The following SEMA6D variants were observed in gnomAD, a reference collection of about 807,000 sequenced individuals.
SEMA6D encodes the protein semaphorin 6D.
In SEMA6D, 35 loss-of-function variants were observed where a neutral mutation model predicts 106.6. The ratio of observed to expected loss-of-function variants is 0.33; its 90% CI spans 0.25 to 0.44. The LOEUF (loss-of-function observed/expected upper bound fraction) is 0.44, where lower values mean the gene tolerates loss of function less well. Ranked by LOEUF, SEMA6D falls within the 20% of genes least tolerant of loss-of-function variation. The pLI is 1.00. For missense variants in SEMA6D, 1,185 were observed against 1,345.9 expected, an observed-to-expected ratio of 0.88 and a Z score of 1.87; for synonymous variants, 499 against 487.7, an observed-to-expected ratio of 1.02 and a Z score of -0.31.
At chr15:47,285,254 G>A (rs66759488) in intron 1 of SEMA6D, among the ~76,000 whole-genome samples, 55,492 of 151,148 alleles carry the variant, frequency 0.37, 10,519 homozygotes, top group Middle Eastern at 0.51. Context: ...CTCTCTCTCT[G>A]TCTCTCTGTC....
intron 1 of SEMA6D, among the ~76,000 whole-genome samples, chr15:47,365,319 G>A (rs1233731662): frequency 1.3e-5 from 2 of 152,130 alleles, no homozygotes; most frequent in African/African-American, 4.8e-5. Flanking sequence ...TTGAAGTTTT[G>A]CTTGATGAAG....
rs1244130092 is a variant in SEMA6D at position 47,348,708 on chromosome 15, CA to C, written c.-238-63684del. On this transcript the variant is annotated intron_variant, in intron 1 of 19. Transcript: ENST00000558014. ...ACACACACACACACACACACACACACACACACACACCACACACACAGAGAGA... is the reference window on the plus strand; with the variant it reads ...ACACACACACACACACACACACACACCACACACACCACACACACAGAGAGA... 7.7e-3 allele frequency among the ~76,000 whole-genome samples: 713 copies of C among 92,258 alleles called. 1 individual carries two copies. Among genetic ancestry groups the C allele is most frequent in the Non-Finnish European group, 0.011 (531 of 46,402 alleles). 60.5% of individuals were successfully genotyped at this position (92,258 alleles called of 152,430 possible).
In SEMA6D at chr15:47,370,780, C is replaced by T. The variant is rs1432729079; in HGVS notation, c.-238-41613C>T. ...AAAGCTGAGGCAGGAGCAGGAGAAT[C>T]GTTTGACTCCCTAAGGTGGAGGTTG... On this transcript the variant is annotated intron_variant, in intron 1 of 19. Coordinates refer to the SEMA6D transcript ENST00000558014. 2.0e-5 allele frequency among the ~76,000 whole-genome samples: 3 copies of T among 149,054 alleles called. No homozygotes were observed. In the East Asian group the frequency reaches 6.1e-4, roughly 30 times the overall value.
At chr15:47,594,703 A>G (rs962743160) in intron 3 of SEMA6D, among the ~76,000 whole-genome samples, 2 of 152,228 alleles carry the variant, frequency 1.3e-5, no homozygotes, top group Non-Finnish European at 2.9e-5. Context: ...ACAGAAAAGT[A>G]TAATTTATAG....
At chr15:47,383,367 C>A (rs567464846) in intron 1 of SEMA6D, among the ~76,000 whole-genome samples, 5 of 152,260 alleles carry the variant, frequency 3.3e-5, no homozygotes, top group South Asian at 2.1e-4. Context: ...GGATGTGAGA[C>A]GATAGTGCCT....
chr15:47,686,003 A>G (rs1039157009), intron 4 of SEMA6D, among the ~76,000 whole-genome samples: 7 of 152,176 alleles, frequency 4.6e-5, no homozygotes, highest in African/African-American at 1.7e-4. Flanking sequence ...GGATTTGCAG[A>G]GAGGAATAGA....
intron 1 of SEMA6D, among the ~76,000 whole-genome samples, chr15:47,271,423 T>C (rs960018815): frequency 1.3e-5 from 2 of 152,024 alleles, no homozygotes; most frequent in African/African-American, 2.4e-5. Context: ...TAAATAAAAG[T>C]GTGTGTGTGT....
chr15:47,658,529 T>C (rs1183596710), intron 4 of SEMA6D, among the ~76,000 whole-genome samples: 1 of 152,174 alleles, frequency 6.6e-6, no homozygotes, highest in African/African-American at 2.4e-5. Flanking sequence ...GAATTTAAGT[T>C]TCAAGCATTT....
At chr15:47,505,596 A>G (rs1341237839) in intron 3 of SEMA6D, among the ~76,000 whole-genome samples, 1 of 152,206 alleles carries the variant, frequency 6.6e-6, no homozygotes, top group Admixed American at 6.5e-5. Flanking sequence ...TGTTCTTAGG[A>G]CATGCATGCA....
At chr15:47,488,087 G>C (rs193142397) in intron 3 of SEMA6D, among the ~76,000 whole-genome samples, 1 of 152,082 alleles carries the variant, frequency 6.6e-6, no homozygotes, top group East Asian at 1.9e-4. Flanking sequence ...ATTCTGTCCT[G>C]TTCATCTGTT....
At chr15:47,728,081 G>A (rs577311466) in intron 1 of SEMA6D, among the ~76,000 whole-genome samples, 2 of 152,326 alleles carry the variant, frequency 1.3e-5, no homozygotes, top group South Asian at 4.1e-4. Flanking sequence ...TACCGTATGT[G>A]TGTATTTCTA....
At chr15:47,370,683 TAAAAAAAAAAAAAAAAAAAAAAAAA>T (rs376454672) in intron 1 of SEMA6D, among the ~76,000 whole-genome samples, 1 of 95,188 alleles carries the variant, frequency 1.1e-5, no homozygotes, top group Non-Finnish European at 1.9e-5. Flanking sequence ...CGTCTCTACT[TAAAAAAAAAAAAAAAAAAAAAAAAA>T]AATTTGATGG....
chr15:47,580,415 G>C (rs1477643489), intron 3 of SEMA6D, among the ~76,000 whole-genome samples: 1 of 152,154 alleles, frequency 6.6e-6, no homozygotes, highest in Non-Finnish European at 1.5e-5. Context: ...CTAGCAAGGT[G>C]CAAGGACCTA....
At chr15:47,433,953 G>A (rs926117857) in intron 2 of SEMA6D, among the ~76,000 whole-genome samples, 1 of 152,090 alleles carries the variant, frequency 6.6e-6, no homozygotes, top group Admixed American at 6.6e-5. Context: ...TGGACTTTCA[G>A]TAACTACATC....
intron 1 of SEMA6D, among the ~76,000 whole-genome samples, chr15:47,332,033 T>C (rs908331536): frequency 1.3e-5 from 2 of 152,194 alleles, no homozygotes; most frequent in African/African-American, 4.8e-5. Context: ...TCTTTGTCTC[T>C]TTATTATTAT....
At chr15:47,367,872 G>A (rs536583752) in intron 1 of SEMA6D, among the ~76,000 whole-genome samples, 13 of 152,038 alleles carry the variant, frequency 8.6e-5, no homozygotes, top group Non-Finnish European at 1.8e-4. Flanking sequence ...CTTTTTTGAT[G>A]ACAAGTCTTG....
intron 1 of SEMA6D, among the ~76,000 whole-genome samples, chr15:47,273,134 G>T (rs1037229363): frequency 5.3e-5 from 8 of 152,064 alleles, no homozygotes; most frequent in Middle Eastern, 3.2e-3. Flanking sequence ...ATTTGTTGTG[G>T]ATCTTTTAGG....
intron 2 of SEMA6D, among the ~76,000 whole-genome samples, chr15:47,453,553 G>A (rs2042255063): frequency 6.6e-6 from 1 of 151,854 alleles, no homozygotes; most frequent in Non-Finnish European, 1.5e-5. Context: ...GTTACTTAGG[G>A]TCTATCTGTA....
intron 4 of SEMA6D, among the ~76,000 whole-genome samples, chr15:47,642,603 AGAG>A (rs1010718556): frequency 6.6e-6 from 1 of 152,146 alleles, no homozygotes; most frequent in Non-Finnish European, 1.5e-5. Flanking sequence ...TAGGAATCTG[AGAG>A]GAGACACAGG....
Sources: allele counts gnomAD v4.1 joint callset (sites outside exome capture counted in the v4.1 genomes callset), GRCh38; gene constraint gnomAD v4.1.1; transcripts MANE v1.5; gene names NCBI Gene and HGNC (gene_info 2026-07-23, HGNC 2026-07-21).